Variants in JARID2 observed in about 807,000 individuals in gnomAD.
JARID2 encodes the protein jumonji and AT-rich interaction domain containing 2.
Under a neutral mutation model 125.6 loss-of-function variants are expected in JARID2, and 21 were observed. The ratio of observed to expected loss-of-function variants is 0.17; its 90% CI spans 0.12 to 0.24. The LOEUF is 0.24. JARID2 is among the 10% of genes least tolerant of loss of function. JARID2 has a pLI of 1.00. For missense variants in JARID2, 1,303 were observed against 1,639.6 expected, an observed-to-expected ratio of 0.79 and a Z score of 3.55; for synonymous variants, 736 against 661.6, an observed-to-expected ratio of 1.11 and a Z score of -1.73.
chr6:15,421,208 G>T (rs1766473826), intron 3 of JARID2, among the ~76,000 whole-genome samples: 1 of 152,138 alleles, frequency 6.6e-6, no homozygotes, highest in African/African-American at 2.4e-5. Context: ...AGGGATCACA[G>T]TATGTTGCTA....
In JARID2 at chr6:15,521,071, T is replaced by TAAAAAAAAAAAAAAAAAAAAAAAA. The variant is rs34405141; in HGVS notation, c.*840_*841insAAAAAAAAAAAAAAAAAAAAAAAA. On this transcript the variant is annotated 3_prime_UTR_variant, in exon 18 of 18. Coordinates refer to ENST00000341776, the MANE Select transcript of JARID2 (RefSeq NM_004973.4). Reference sequence around the variant, plus strand: ...ACCCTTCAATAGCATCCTTAAGATTTAAAAAAAAAAAAAAAAAAAAGGAAA... The same window carrying TAAAAAAAAAAAAAAAAAAAAAAAA: ...ACCCTTCAATAGCATCCTTAAGATTTAAAAAAAAAAAAAAAAAAAAAAAAAAAAAAAAAAAAAAAAAAAAGGAAA... 1 of 115,948 alleles carries TAAAAAAAAAAAAAAAAAAAAAAAA rather than the reference T, an allele frequency of 8.6e-6. No individual in the cohort carries two copies. The highest frequency in any genetic ancestry group is 1.7e-5 in the Non-Finnish European group (1 of 59,376). 7.2% of individuals were successfully genotyped at this position (115,948 alleles called of 1,614,324 possible). A position where few individuals can be genotyped will look rare whatever the true frequency, so the allele number is the denominator to read the frequency against.
At chr6:15,305,160 C>T (rs1381978348) in intron 1 of JARID2, among the ~76,000 whole-genome samples, 1 of 152,172 alleles carries the variant, frequency 6.6e-6, no homozygotes, top group Non-Finnish European at 1.5e-5. Context: ...GGCCTTCCAT[C>T]TTTTAAATCT....
At chr6:15,437,655 AT>A (rs1169354590) in intron 3 of JARID2, among the ~76,000 whole-genome samples, 1 of 152,080 alleles carries the variant, frequency 6.6e-6, no homozygotes, top group East Asian at 1.9e-4. Context: ...AAAAAAACAG[AT>A]TTAGTTGAGT....
intron 2 of JARID2, among the ~76,000 whole-genome samples, chr6:15,375,159 G>A (rs987059844): frequency 6.6e-6 from 1 of 152,174 alleles, no homozygotes; most frequent in Non-Finnish European, 1.5e-5. Context: ...TGTATGGTGA[G>A]TTGTCTGGCA....
intron 1 of JARID2, among the ~76,000 whole-genome samples, chr6:15,262,153 CTT>C (rs56888368): frequency 2.3e-4 from 32 of 139,256 alleles, no homozygotes; most frequent in Non-Finnish European, 2.0e-4. Context: ...AATCTCATGC[CTT>C]TTTTTTTTTT....
chr6:15,497,358 C>T (rs1195930178), intron 7 of JARID2, among the ~76,000 whole-genome samples, 188 bp downstream of exon 7: 2 of 152,182 alleles, frequency 1.3e-5, no homozygotes, highest in Non-Finnish European at 2.9e-5. Flanking sequence ...GCGTTGGTGG[C>T]AGGATAAGAA....
At chr6:15,248,264 C>A (rs1242490233) in intron 1 of JARID2, 1 of 124,682 alleles carries the variant, frequency 8.0e-6, no homozygotes, top group Non-Finnish European at 1.7e-5. Context: ...CGGGGCTGGG[C>A]GGGCGGGCGC....
Position 15,512,242 on chromosome 6 carries a change from A to G in JARID2, c.2987A>G (p.Lys996Arg), listed in dbSNP as rs781494356. 4.3e-6 allele frequency: 7 copies of G among 1,614,004 alleles called. No individual in the cohort carries two copies. The highest frequency in any genetic ancestry group is 3.3e-5 in the South Asian group (3 of 91,082). The change falls in exon 14 of 18, where the codon AAG (lysine) becomes AGG (arginine). Residue 996 changes from lysine (K) to arginine (R), a missense_variant. This residue lies in a region of JARID2 where 190 missense variants were observed against 341.4 expected (regional missense o/e 0.56). Transcript: ENST00000341776. ...SPEVLCKEGI[K>R]VHRTVQQSGQ... ...GAGGTGCTGTGCAAAGAGGGGATCA[A>G]GGTGCACAGGACCGTGCAGCAGAGT... is the stretch of plus-strand genomic sequence containing the variant.
intron 1 of JARID2, among the ~76,000 whole-genome samples, chr6:15,323,756 G>C (rs1217013793): frequency 2.0e-5 from 3 of 152,176 alleles, no homozygotes; most frequent in Non-Finnish European, 4.4e-5. Flanking sequence ...TTAGCCGGGT[G>C]TGGTGGTGTG....
intron 1 of JARID2, among the ~76,000 whole-genome samples, chr6:15,258,888 G>A (rs1344347494): frequency 6.6e-6 from 1 of 152,212 alleles, no homozygotes; most frequent in Non-Finnish European, 1.5e-5. Context: ...GATTGAAGAG[G>A]AAACTGTTTC....
At chr6:15,488,961 C>G (rs1314605234) in intron 6 of JARID2, among the ~76,000 whole-genome samples, 1 of 152,142 alleles carries the variant, frequency 6.6e-6, no homozygotes, top group Non-Finnish European at 1.5e-5. Flanking sequence ...GGCACAAAGC[C>G]CAGGGAGGCA....
At chr6:15,516,964 GT>G in intron 16 of JARID2, among the ~76,000 whole-genome samples, 196 bp from the exon 17 acceptor site, 1 of 152,294 alleles carries the variant, frequency 6.6e-6, no homozygotes, top group African/African-American at 2.4e-5. Context: ...TGTTCCAGGT[GT>G]TTGGTCAGTT....
chr6:15,512,426 C>T (rs369423897), intron 14 of JARID2, 36 bp downstream of exon 14: 19 of 1,603,266 alleles, frequency 1.2e-5, no homozygotes, highest in African/African-American at 9.4e-5. Context: ...TTGCTGCCCC[C>T]GCATCCCTGT....
chr6:15,353,947 A>G (rs1207783930), intron 1 of JARID2, among the ~76,000 whole-genome samples: 1 of 152,206 alleles, frequency 6.6e-6, no homozygotes, highest in Non-Finnish European at 1.5e-5. Context: ...TTATGTTCCT[A>G]AAGCGTACAG....
At chr6:15,469,343 CTCTCTCT>C (rs1768929898) in intron 5 of JARID2, among the ~76,000 whole-genome samples, 1 of 15,710 alleles carries the variant, frequency 6.4e-5, no homozygotes, top group Non-Finnish European at 1.1e-4. Flanking sequence ...TCTCCTGTCT[CTCTCTCT>C]CTCTCTCTCT....
At chr6:15,335,530 C>T (rs1762849406) in intron 1 of JARID2, among the ~76,000 whole-genome samples, 1 of 152,218 alleles carries the variant, frequency 6.6e-6, no homozygotes, top group African/African-American at 2.4e-5. Context: ...GTTCTCTGCT[C>T]TTCCTTCACA....
chr6:15,475,606 G>T (rs1423220253), intron 5 of JARID2, among the ~76,000 whole-genome samples: 1 of 152,244 alleles, frequency 6.6e-6, no homozygotes, highest in Non-Finnish European at 1.5e-5. Context: ...GCGACCTCAG[G>T]AAGCTGTGAT....
chr6:15,319,563 A>C (rs930508942), intron 1 of JARID2, among the ~76,000 whole-genome samples: 3 of 151,920 alleles, frequency 2.0e-5, no homozygotes, highest in African/African-American at 7.3e-5. Context: ...GTGCCCTGCC[A>C]ATTTTTTTGT....
In JARID2 at chr6:15,501,384, A is replaced by G. The variant is rs533461130; in HGVS notation, c.2423A>G (p.Asn808Ser). Reference protein sequence around the residue: ...KEEEEDKGVLNDFHKCIYKGR... With the variant: ...KEEEEDKGVLSDFHKCIYKGR... ...GAGGAGGAGGACAAAGGCGTCCTCA[A>G]TGACTTCCACAAGTGCATCTATAAG... Residue 808 changes from asparagine to serine, a missense_variant, in exon 8 of 18, where the codon AAT (asparagine) becomes AGT (serine). By Grantham distance (46) the Asn-to-Ser change is conservative. This residue lies in a region of JARID2 where 124 missense variants were observed against 131.0 expected (regional missense o/e 0.95). Transcript: ENST00000341776. 2.2e-4 allele frequency: 339 copies of G among 1,554,778 alleles called. 4 individuals carry two copies. In the South Asian group the frequency reaches 2.3e-3, roughly 11 times the overall value.
Sources: allele counts gnomAD v4.1 joint callset (sites outside exome capture counted in the v4.1 genomes callset), GRCh38; gene constraint gnomAD v4.1.1; regional missense constraint gnomAD v4.1.1; transcripts MANE v1.5; gene names NCBI Gene and HGNC (gene_info 2026-07-23, HGNC 2026-07-21).